The following SHISA9 variants were observed in gnomAD, a reference collection of about 807,000 sequenced individuals.
The protein encoded by SHISA9 is protein shisa-9.
In SHISA9, 13 loss-of-function variants were observed where a neutral mutation model predicts 38.0. That is an observed-to-expected ratio of 0.34 (90% confidence interval 0.22 to 0.54). The LOEUF is 0.54. Ranked by LOEUF, SHISA9 falls within the 20% of genes least tolerant of loss-of-function variation. SHISA9 has a pLI of 0.91. For synonymous variants in SHISA9, 275 were observed against 242.0 expected, an observed-to-expected ratio of 1.14 and a Z score of -1.27; for missense variants, 538 against 575.8, an observed-to-expected ratio of 0.93 and a Z score of 0.67.
intron 2 of SHISA9, among the ~76,000 whole-genome samples, chr16:12,934,456 A>G (rs2071502592): frequency 6.6e-6 from 1 of 152,246 alleles, no homozygotes; most frequent in Non-Finnish European, 1.5e-5. Context: ...TGTTCATCCC[A>G]GTGTTTTTCA....
At chr16:13,283,538 C>A in the SHISA9 span, among the ~76,000 whole-genome samples, 1 of 151,996 alleles carries the variant, frequency 6.6e-6, no homozygotes, top group Non-Finnish European at 1.5e-5. Flanking sequence ...GAGAGCCAAG[C>A]AAAAGGGGTT....
chr16:13,227,805 A>G (rs922967188), intron 4 of SHISA9, among the ~76,000 whole-genome samples: 1 of 152,140 alleles, frequency 6.6e-6, no homozygotes, highest in Non-Finnish European at 1.5e-5. Flanking sequence ...TTCATGGAGT[A>G]AACTAGGCAC....
the SHISA9 span, among the ~76,000 whole-genome samples, chr16:13,506,270 G>A: frequency 6.6e-6 from 1 of 152,114 alleles, no homozygotes; most frequent in East Asian, 1.9e-4. Context: ...CACATGCCAG[G>A]CACAGTTCAA....
At chr16:12,998,243 A>G (rs4781374) in intron 2 of SHISA9, among the ~76,000 whole-genome samples, 35,781 of 152,146 alleles carry the variant, frequency 0.24, 4,437 homozygotes, top group Middle Eastern at 0.33. Context: ...TGGAAGGTCC[A>G]TGCATTAGTT....
chr16:13,489,651 C>T, the SHISA9 span, among the ~76,000 whole-genome samples: 1 of 152,128 alleles, frequency 6.6e-6, no homozygotes, highest in African/African-American at 2.4e-5. Flanking sequence ...TGCCTTCCAC[C>T]ATGATTGTGA....
intron 2 of SHISA9, among the ~76,000 whole-genome samples, chr16:12,917,529 C>G (rs867885403): frequency 1.1e-4 from 17 of 152,162 alleles, no homozygotes; most frequent in Middle Eastern, 6.8e-3. Flanking sequence ...TGGTATACTC[C>G]CAAAGATTTT....
chr16:12,999,824 T>C (rs1351554287), intron 2 of SHISA9, among the ~76,000 whole-genome samples: 1 of 152,216 alleles, frequency 6.6e-6, no homozygotes, highest in Non-Finnish European at 1.5e-5. Context: ...ATACTCCTGC[T>C]TCCCGCAATG....
intron 2 of SHISA9, among the ~76,000 whole-genome samples, chr16:13,113,768 G>T (rs566013512): frequency 2.6e-5 from 4 of 152,224 alleles, no homozygotes; most frequent in Admixed American, 1.3e-4. Flanking sequence ...GAGGAGAAAG[G>T]GATGAACACA....
chr16:13,405,532 T>G, the SHISA9 span, among the ~76,000 whole-genome samples: 3 of 152,212 alleles, frequency 2.0e-5, no homozygotes, highest in African/African-American at 7.2e-5. Flanking sequence ...TACCTAGGTA[T>G]ATTGCATGAT....
At chr16:13,248,299 A>T in the SHISA9 span, among the ~76,000 whole-genome samples, 1 of 152,188 alleles carries the variant, frequency 6.6e-6, no homozygotes, top group South Asian at 2.1e-4. Context: ...AGCATCTACG[A>T]TGTGCCAGCC....
At chr16:13,288,934 A>G in the SHISA9 span, among the ~76,000 whole-genome samples, 14 of 152,152 alleles carry the variant, frequency 9.2e-5, no homozygotes, top group African/African-American at 3.4e-4. Context: ...CATGAAAGTG[A>G]GGGAGTGAAG....
chr16:13,075,656 A>G (rs995045347), intron 2 of SHISA9, among the ~76,000 whole-genome samples: 3 of 152,164 alleles, frequency 2.0e-5, no homozygotes, highest in Admixed American at 6.5e-5. Context: ...CATCTCCTCT[A>G]TGCAAGGCGC....
intron 2 of SHISA9, among the ~76,000 whole-genome samples, chr16:12,929,541 A>T (rs1275555771): frequency 1.3e-5 from 2 of 152,138 alleles, no homozygotes; most frequent in African/African-American, 4.8e-5. Flanking sequence ...ATGCAGAAAC[A>T]GAAAAGCAAA....
chr16:13,492,236 G>A, the SHISA9 span, among the ~76,000 whole-genome samples: 2 of 152,210 alleles, frequency 1.3e-5, no homozygotes, highest in South Asian at 2.1e-4. Flanking sequence ...TTCTGTGGGC[G>A]AGCACTGGGG....
At chr16:13,214,381 T>C (rs752933399) in intron 4 of SHISA9, among the ~76,000 whole-genome samples, 4 of 152,156 alleles carry the variant, frequency 2.6e-5, no homozygotes, top group Non-Finnish European at 5.9e-5. Flanking sequence ...TTTGAATTTT[T>C]TTTTTTAGTA....
chr16:13,309,942 C>T, the SHISA9 span, among the ~76,000 whole-genome samples: 13 of 152,106 alleles, frequency 8.5e-5, no homozygotes. Flanking sequence ...GGCTGGAGTG[C>T]AATGGCACGA....
the SHISA9 span, among the ~76,000 whole-genome samples, chr16:13,328,038 C>T: frequency 9.2e-5 from 14 of 152,262 alleles, no homozygotes; most frequent in African/African-American, 2.2e-4. Flanking sequence ...ATTAGCTTTG[C>T]GCAAGAAATC....
chr16:13,325,527 G>C, the SHISA9 span, among the ~76,000 whole-genome samples: 1 of 152,168 alleles, frequency 6.6e-6, no homozygotes, highest in African/African-American at 2.4e-5. Context: ...TTTGGGGTTA[G>C]AGCATGTATT....
chr16:12,960,549 A>G (rs1314919309), intron 2 of SHISA9, among the ~76,000 whole-genome samples: 1 of 152,190 alleles, frequency 6.6e-6, no homozygotes, highest in Non-Finnish European at 1.5e-5. Flanking sequence ...AGATAAAGAA[A>G]ATGTGGTACA....
Sources: allele counts gnomAD v4.1 joint callset (sites outside exome capture counted in the v4.1 genomes callset), GRCh38; gene constraint gnomAD v4.1.1; transcripts MANE v1.5; gene names NCBI Gene and HGNC (gene_info 2026-07-23, HGNC 2026-07-21).